The following SGCD variants were observed in gnomAD, a reference collection of about 807,000 sequenced individuals.
SGCD encodes the protein delta-sarcoglycan.
Under a neutral mutation model 36.6 loss-of-function variants are expected in SGCD, and 18 were observed. The ratio of observed to expected loss-of-function variants is 0.49; its 90% CI spans 0.34 to 0.73. The LOEUF is 0.73. Ranked by LOEUF, SGCD falls within the 30% of genes least tolerant of loss-of-function variation. The probability of loss-of-function intolerance (pLI) is 0.01; values close to 1 mark genes in which losing one functional copy is unlikely to be tolerated. For missense variants in SGCD, 387 were observed against 346.7 expected, an observed-to-expected ratio of 1.12 and a Z score of -0.92; for synonymous variants, 133 against 130.6, an observed-to-expected ratio of 1.02 and a Z score of -0.12.
At chr5:156,211,649 G>A (rs186228324) in intron 3 of SGCD, among the ~76,000 whole-genome samples, 103 of 149,904 alleles carry the variant, frequency 6.9e-4, no homozygotes, top group African/African-American at 2.3e-3. Context: ...GTGATAATTA[G>A]TAGCACTAAA....
At chr5:155,837,399 A>G in the SGCD span, among the ~76,000 whole-genome samples, 1 of 152,096 alleles carries the variant, frequency 6.6e-6, no homozygotes. Context: ...CTCAGGTGAT[A>G]CACCTGCCTC....
chr5:156,486,018 C>T (rs534672441), intron 3 of SGCD, among the ~76,000 whole-genome samples: 1 of 152,074 alleles, frequency 6.6e-6, no homozygotes, highest in African/African-American at 2.4e-5. Context: ...CAGCAGTGTT[C>T]CAGAGAGGGA....
chr5:156,085,417 C>T (rs1194597992), intron 1 of SGCD, among the ~76,000 whole-genome samples: 1 of 152,166 alleles, frequency 6.6e-6, no homozygotes, highest in Non-Finnish European at 1.5e-5. Flanking sequence ...CCACTCCCCT[C>T]TCCCTCTTCC....
chr5:156,678,135 A>C (rs1467085313), intron 7 of SGCD, among the ~76,000 whole-genome samples: 1 of 152,200 alleles, frequency 6.6e-6, no homozygotes, highest in African/African-American at 2.4e-5. Context: ...TATTTAGAAC[A>C]GGCCTGTGGT....
chr5:155,751,881 C>T, the SGCD span, among the ~76,000 whole-genome samples: 1 of 152,134 alleles, frequency 6.6e-6, no homozygotes, highest in Non-Finnish European at 1.5e-5. Context: ...GATAGTACAA[C>T]GTGCTTTGAA....
Position 156,522,498 on chromosome 5 carries a change from C to T in SGCD, c.294+13796C>T, listed in dbSNP as rs535406884. Among the ~76,000 whole-genome samples, 8 of 152,102 alleles carry T rather than the reference C, an allele frequency of 5.3e-5. No homozygotes were observed. The East Asian group carries it at 5.8e-4, about 11-fold the overall frequency. On this transcript the variant is annotated intron_variant, in intron 4 of 8. Transcript: ENST00000337851. ...TAACACAGCAAAGAAAACCAAACGT[C>T]GCATGTTCTTACTTACAAGTGGGAG...
chr5:156,681,055 T>C (rs1036785926), intron 7 of SGCD, among the ~76,000 whole-genome samples: 3 of 152,126 alleles, frequency 2.0e-5, no homozygotes, highest in African/African-American at 7.2e-5. Flanking sequence ...AAGCATGGTA[T>C]AGCCAAAGGT....
At chr5:155,908,726 C>T (rs1756573560) in intron 1 of SGCD, among the ~76,000 whole-genome samples, 1 of 152,188 alleles carries the variant, frequency 6.6e-6, no homozygotes, top group Admixed American at 6.6e-5. Flanking sequence ...TGCAGATAAA[C>T]CTTGGAATTA....
the SGCD span, among the ~76,000 whole-genome samples, chr5:155,728,430 G>T: frequency 6.6e-6 from 1 of 152,202 alleles, no homozygotes; most frequent in Non-Finnish European, 1.5e-5. Flanking sequence ...GCGAAGCACC[G>T]GCGGGGAGGA....
At chr5:156,555,961 A>G (rs1222130346) in intron 4 of SGCD, among the ~76,000 whole-genome samples, 3 of 152,012 alleles carry the variant, frequency 2.0e-5, no homozygotes, top group Non-Finnish European at 4.4e-5. Context: ...GTTTTTCACA[A>G]TGTTTTAGGG....
chr5:156,219,248 A>G (rs897040512), intron 3 of SGCD, among the ~76,000 whole-genome samples: 1 of 152,218 alleles, frequency 6.6e-6, no homozygotes, highest in African/African-American at 2.4e-5. Context: ...AACTTTTCCT[A>G]TATTAAGTAT....
chr5:155,979,488 C>T (rs937522967), intron 1 of SGCD, among the ~76,000 whole-genome samples: 1 of 152,130 alleles, frequency 6.6e-6, no homozygotes, highest in African/African-American at 2.4e-5. Context: ...TTAAGAAGAG[C>T]TGCTGAGATC....
Position 156,056,645 on chromosome 5 carries a change from TAAAAAAA to T in SGCD, c.-281-61219_-281-61213del, listed in dbSNP as rs561328077. On this transcript the variant is annotated intron_variant, in intron 1 of 9. Coordinates refer to the SGCD transcript ENST00000517913. ...GGTCCCCTACCTGCCAAATTATCCT[TAAAAAAA>T]AAAAAAAAAAAAACAGTCTCCAAAT... Among the ~76,000 whole-genome samples, 4 of 68,280 alleles carry T rather than the reference TAAAAAAA, an allele frequency of 5.9e-5. No homozygotes were observed. In the South Asian group the frequency reaches 1.6e-3, roughly 28 times the overall value. 44.8% of individuals were successfully genotyped at this position (68,280 alleles called of 152,430 possible). A position where few individuals can be genotyped will look rare whatever the true frequency, so the allele number is the denominator to read the frequency against.
At chr5:155,759,535 C>A in the SGCD span, among the ~76,000 whole-genome samples, 1 of 152,072 alleles carries the variant, frequency 6.6e-6, no homozygotes, top group Non-Finnish European at 1.5e-5. Flanking sequence ...CTTGAAATCC[C>A]AGAAACATCT....
In SGCD at chr5:156,127,201, A is replaced by G. The variant is rs1021466593; in HGVS notation, c.-44+3182A>G. Among the ~76,000 whole-genome samples, 9 of 152,230 alleles carry G rather than the reference A, an allele frequency of 5.9e-5. No homozygotes were observed. In the East Asian group the frequency reaches 7.7e-4, roughly 13 times the overall value. On this transcript the variant is annotated intron_variant, in intron 3 of 9. Transcript: ENST00000517913. ...AGGGAAAAAAGTTTTTCAAAAAATC[A>G]TAAGCAAAGTTAATTACTGCATTTG...
intron 2 of SGCD, among the ~76,000 whole-genome samples, chr5:156,339,098 A>G (rs920624517): frequency 3.9e-5 from 6 of 152,218 alleles, no homozygotes; most frequent in Admixed American, 6.5e-5. Flanking sequence ...GGGAAACTCT[A>G]CATCTAAAAT....
chr5:155,808,159 G>T, the SGCD span, among the ~76,000 whole-genome samples: 1 of 152,134 alleles, frequency 6.6e-6, no homozygotes, highest in African/African-American at 2.4e-5. Context: ...TACCTTGTGG[G>T]CCTCATTGTT....
intron 1 of SGCD, among the ~76,000 whole-genome samples, chr5:156,099,592 T>A (rs1341049418): frequency 6.6e-6 from 1 of 152,120 alleles, no homozygotes; most frequent in Admixed American, 6.5e-5. Flanking sequence ...TTTTTGTATT[T>A]TTAGTAGAGA....
At chr5:156,752,829 C>A (rs954536532) in intron 7 of SGCD, among the ~76,000 whole-genome samples, 1 of 152,152 alleles carries the variant, frequency 6.6e-6, no homozygotes, top group Admixed American at 6.5e-5. Context: ...CAACCACTGG[C>A]CAGGTTAGAT....
Sources: gnomAD v4.1 joint callset for allele counts (sites outside exome capture counted in the v4.1 genomes callset) on GRCh38, gnomAD v4.1.1 for gene constraint, MANE v1.5 for transcripts, NCBI Gene and HGNC (gene_info 2026-07-23, HGNC 2026-07-21) for gene names.